HPSE2: variants seen among roughly 807,000 people sequenced by gnomAD.
The protein encoded by HPSE2 is heparanase 2 (inactive), also known as inactive heparanase-2.
HPSE2 carries 38 observed loss-of-function variants against 60.5 expected under a neutral mutation model. That is an observed-to-expected ratio of 0.63 (90% CI 0.48 to 0.82). The LOEUF is 0.82. HPSE2 is among the 40% of genes least tolerant of loss of function. HPSE2 has a pLI of 0.00. For missense variants in HPSE2, 713 were observed against 740.4 expected, an observed-to-expected ratio of 0.96 and a Z score of 0.43; for synonymous variants, 295 against 293.2, an observed-to-expected ratio of 1.01 and a Z score of -0.06.
chr10:99,231,698 G>GAA (rs58267765), intron 2 of HPSE2, among the ~76,000 whole-genome samples: 10 of 144,188 alleles, frequency 6.9e-5, no homozygotes, highest in African/African-American at 2.5e-4. Flanking sequence ...TTTTAAAACA[G>GAA]AAAAAAAAAA....
chr10:99,003,276 C>T (rs758709528), intron 3 of HPSE2, among the ~76,000 whole-genome samples: 8 of 151,960 alleles, frequency 5.3e-5, no homozygotes, highest in Admixed American at 1.3e-4. Flanking sequence ...AGATTGATTC[C>T]ATATATGGCT....
At chr10:98,665,184 G>C (rs1398470697) in intron 6 of HPSE2, among the ~76,000 whole-genome samples, 1 of 152,138 alleles carries the variant, frequency 6.6e-6, no homozygotes, top group Non-Finnish European at 1.5e-5. Context: ...AAACCAAGCT[G>C]AGGAAACTCT....
rs1554836892 is a variant in HPSE2, at chr10:98,887,936, A to ATAATAAT, written c.611-143881_611-143880insATTATTA. Among the ~76,000 whole-genome samples the ATAATAAT allele has an allele frequency of 3.6e-5, 4 of 111,582 alleles. No homozygotes were observed. In the East Asian group the frequency reaches 8.1e-4, roughly 22 times the overall value. 73.2% of individuals were successfully genotyped at this position (111,582 alleles called of 152,430 possible). Reference sequence around the variant, plus strand: ...AACTTAATGTATAATAATAATAATAAAATAAAAAATTAAAAATTAAAGAAA... The same window carrying ATAATAAT: ...AACTTAATGTATAATAATAATAATAATAATAATAATAAAAAATTAAAAATTAAAGAAA... On this transcript the variant is annotated intron_variant, in intron 3 of 11. Transcript: ENST00000370552.
intron 4 of HPSE2, among the ~76,000 whole-genome samples, chr10:98,739,740 T>C (rs1949449163): frequency 6.6e-6 from 1 of 152,208 alleles, no homozygotes. Context: ...ATAATATTGA[T>C]TCAATAATTA....
intron 9 of HPSE2, among the ~76,000 whole-genome samples, chr10:98,513,800 C>T (rs111276679): frequency 0.026 from 3,903 of 152,178 alleles, 82 homozygotes; most frequent in Middle Eastern, 0.051. Flanking sequence ...TGTTTAGTAT[C>T]AATAATGAAT....
At chr10:98,597,390 T>C (rs1248016673) in intron 9 of HPSE2, among the ~76,000 whole-genome samples, 4 of 152,028 alleles carry the variant, frequency 2.6e-5, no homozygotes. Flanking sequence ...TGTGGCCATG[T>C]GCCACGGCTC....
At chr10:99,026,444 C>T (rs1429493850) in intron 3 of HPSE2, among the ~76,000 whole-genome samples, 1 of 152,016 alleles carries the variant, frequency 6.6e-6, no homozygotes, top group Non-Finnish European at 1.5e-5. Flanking sequence ...ATGCACCCAA[C>T]ACTGGAGCAC....
intron 2 of HPSE2, among the ~76,000 whole-genome samples, chr10:99,151,243 C>CAA (rs755830716): frequency 7.8e-6 from 1 of 127,860 alleles, no homozygotes; most frequent in African/African-American, 2.9e-5. Context: ...ACAAGCCATG[C>CAA]AAAAAAAAAA....
intron 9 of HPSE2, among the ~76,000 whole-genome samples, chr10:98,508,384 T>C (rs1428062941): frequency 5.3e-5 from 8 of 152,314 alleles, no homozygotes; most frequent in African/African-American, 1.9e-4. Flanking sequence ...TTTGCTGGAT[T>C]AATTGCTCAA....
At chr10:99,081,577 CTAAAGATGATGA>C (rs1843138105) in intron 3 of HPSE2, among the ~76,000 whole-genome samples, 1 of 133,388 alleles carries the variant, frequency 7.5e-6, no homozygotes, top group East Asian at 2.3e-4. Context: ...TCTACTACTA[CTAAAGATGATGA>C]TGATGATGAT....
intron 2 of HPSE2, among the ~76,000 whole-genome samples, chr10:99,202,671 T>C (rs1458982144): frequency 6.6e-6 from 1 of 152,094 alleles, no homozygotes; most frequent in African/African-American, 2.4e-5. Context: ...TGAGATAAAA[T>C]ATAAAGCAGA....
intron 3 of HPSE2, among the ~76,000 whole-genome samples, chr10:98,897,087 G>C (rs985211972): frequency 6.6e-6 from 1 of 152,136 alleles, no homozygotes; most frequent in Non-Finnish European, 1.5e-5. Context: ...CTCAGGTATG[G>C]AAAACCAAAT....
At chr10:98,928,810 G>A (rs1251222161) in intron 3 of HPSE2, among the ~76,000 whole-genome samples, 1 of 116,392 alleles carries the variant, frequency 8.6e-6, no homozygotes, top group Non-Finnish European at 1.7e-5. Flanking sequence ...GACTCAGGAA[G>A]GGGAACATCA....
chr10:99,132,237 G>C (rs57476230), intron 3 of HPSE2, among the ~76,000 whole-genome samples: 2 of 20,690 alleles, frequency 9.7e-5, no homozygotes, highest in Non-Finnish European at 1.4e-4. Flanking sequence ...GAGAGAGAGA[G>C]AGAGAGAAAG....
At chr10:99,142,469 T>C (rs1358496712) in intron 3 of HPSE2, among the ~76,000 whole-genome samples, 1 of 152,206 alleles carries the variant, frequency 6.6e-6, no homozygotes, top group Non-Finnish European at 1.5e-5. Context: ...AACTTTCATG[T>C]AAATAAATGA....
At chr10:99,191,731 C>T (rs1364682284) in intron 2 of HPSE2, among the ~76,000 whole-genome samples, 2 of 152,170 alleles carry the variant, frequency 1.3e-5, no homozygotes, top group African/African-American at 4.8e-5. Flanking sequence ...AACGAACATC[C>T]ACAACCATCA....
chr10:99,030,654 G>GA (rs1442597241), intron 3 of HPSE2, among the ~76,000 whole-genome samples: 3 of 151,864 alleles, frequency 2.0e-5, no homozygotes, highest in South Asian at 2.1e-4. Flanking sequence ...ATACCCCAAA[G>GA]AAAAAAAATC....
intron 2 of HPSE2, among the ~76,000 whole-genome samples, chr10:99,203,754 C>A (rs1478387901): frequency 1.3e-5 from 2 of 152,044 alleles, no homozygotes; most frequent in Admixed American, 6.5e-5. Context: ...GACCCAGTCT[C>A]CAGGGAAGTT....
chr10:98,960,719 T>TA (rs1955642931), intron 3 of HPSE2, among the ~76,000 whole-genome samples: 5 of 67,976 alleles, frequency 7.4e-5, no homozygotes, highest in Non-Finnish European at 1.4e-4. Context: ...TTTTTTTTTT[T>TA]TGTTTTATTT....
Sources: gnomAD v4.1 joint callset for allele counts (sites outside exome capture counted in the v4.1 genomes callset) on GRCh38, gnomAD v4.1.1 for gene constraint, MANE v1.5 for transcripts, NCBI Gene and HGNC (gene_info 2026-07-23, HGNC 2026-07-21) for gene names.